The following QRICH1 variants were observed in gnomAD, a reference collection of about 807,000 sequenced individuals.
The protein encoded by QRICH1 is glutamine rich 1, also known as transcriptional regulator QRICH1.
In QRICH1, 16 loss-of-function variants were observed where a neutral mutation model predicts 87.1. The observed-to-expected ratio is 0.18, with a 90% CI of 0.12 to 0.28. The LOEUF (loss-of-function observed/expected upper bound fraction) is 0.28, where lower values mean the gene tolerates loss of function less well. QRICH1 is among the 10% of genes least tolerant of loss of function. The pLI is 1.00. For missense variants in QRICH1, 647 were observed against 951.7 expected (o/e 0.68, Z 4.21); for synonymous variants, 367 against 368.4 (o/e 1.00, Z 0.05).
At position 49,076,861 on chromosome 3, in the gene QRICH1, T is replaced by C. The variant is rs1488215964; in HGVS notation, c.157A>G (p.Met53Val). Residue 53 changes from methionine to valine, a missense_variant, in exon 2 of 10, where the codon ATG becomes GTG. Met to Val is a conservative substitution (Grantham distance 21). Coordinates refer to ENST00000395443, the MANE Select transcript of QRICH1 (RefSeq NM_198880.3). The part of the protein sequence containing the change: ...QEFQQTATTT[M>V]VYQQGGNCIY... ...CAGTTCCCACCCTGTTGGTACACCA[T>C]GGTAGTGGTGGCTGTCTGCTGGAAC... 1.9e-6 allele frequency: 3 copies of C among 1,613,954 alleles called. No homozygotes were observed. Among genetic ancestry groups the C allele is most frequent in the East Asian group, 2.2e-5 (1 of 44,862 alleles).
At chr3:49,051,594 C>CA (rs1191125700) in intron 3 of QRICH1, among the ~76,000 whole-genome samples, 3 of 140,246 alleles carry the variant, frequency 2.1e-5, no homozygotes, top group Non-Finnish European at 4.7e-5. Flanking sequence ...GCCCCCCCCC[C>CA]CCTCCGCTTA....
At chr3:49,085,066 C>T (rs745501566) in intron 1 of QRICH1, among the ~76,000 whole-genome samples, 12 of 151,924 alleles carry the variant, frequency 7.9e-5, no homozygotes, top group Non-Finnish European at 1.6e-4. Flanking sequence ...TGGTGTGAAT[C>T]TGGGAGGTGG....
rs2093410069 is a variant in QRICH1 at position 49,057,570 on chromosome 3, C to A, written c.630G>T (p.Gln210His). ...GGGCACCCACGGTCTGGATTTGGAT[C>A]TGCTGACCACCAGCAAGAGACTGGC... ...VAGQSLAGGQ[Q>H]IQIQTVGALS... Residue 210 changes from glutamine to histidine, a missense_variant, in exon 3 of 10, where the codon CAG (glutamine) becomes CAT (histidine). By Grantham distance (24) the Gln-to-His change is conservative (BLOSUM62 0). Around this residue, in one of 7 missense-constraint regions of QRICH1, gnomAD observed 156 missense variants for 164.5 expected, o/e 0.95. Transcript: ENST00000395443. This position sits in a 1 kb window ranked among gnomAD's most constrained non-coding sequence, Gnocchi z 5.4. 1 of 1,613,402 alleles carries A rather than the reference C, an allele frequency of 6.2e-7. No individual in the cohort carries two copies. The highest frequency in any genetic ancestry group is 1.7e-5 in the Admixed American group (1 of 60,010).
At chr3:49,032,579 A>C in intron 8 of QRICH1, 43 bp downstream of exon 8, 1 of 1,529,680 alleles carries the variant, frequency 6.5e-7, no homozygotes, top group Middle Eastern at 1.9e-4. Flanking sequence ...ACAGGGCAGG[A>C]CAAGTAGCAC....
intron 1 of QRICH1, among the ~76,000 whole-genome samples, chr3:49,084,652 T>C (rs2042133309): frequency 6.6e-6 from 1 of 151,924 alleles, no homozygotes; most frequent in Admixed American, 6.6e-5. Context: ...TAATCCCAGC[T>C]ACTCTAGAGG....
At chr3:49,087,164 G>A (rs1174633348) in intron 1 of QRICH1, 1 of 152,262 alleles carries the variant, frequency 6.6e-6, no homozygotes, top group African/African-American at 2.4e-5. Context: ...GGCTGAGGCA[G>A]GAGAATCACT....
chr3:49,037,040 C>T (rs2093279436), intron 6 of QRICH1, among the ~76,000 whole-genome samples: 1 of 137,800 alleles, frequency 7.3e-6, no homozygotes, highest in Admixed American at 8.1e-5. Flanking sequence ...CACTGCAATC[C>T]AGCCTGGGTG....
intron 2 of QRICH1, among the ~76,000 whole-genome samples, chr3:49,062,553 G>C (rs1420036691): frequency 6.6e-6 from 1 of 151,270 alleles, no homozygotes; most frequent in East Asian, 2.0e-4. Context: ...CACAGACAGG[G>C]TTTCACCATG....
Position 49,057,396 on chromosome 3 carries a change from C to G in QRICH1, c.804G>C (p.Val268=). 6.2e-7 allele frequency: 1 copy of G among 1,614,160 alleles called. No individual in the cohort carries two copies. Among genetic ancestry groups the G allele is most frequent in the Non-Finnish European group, 8.5e-7 (1 of 1,180,042 alleles). The stretch of plus-strand genomic sequence containing the variant: ...GCTGCTGGCCCTGTGGAATGGCCAG[C>G]ACGGTGGCCACCGGCTGCCCTGAGA... ...YAISGQPVAT[V]LAIPQGQQQS... The change falls in exon 3 of 10, where the codon GTG becomes GTC. Residue 268 remains valine, a synonymous_variant. Coordinates refer to ENST00000395443, the MANE Select transcript of QRICH1 (RefSeq NM_198880.3). This position sits in a 1 kb window ranked among gnomAD's most constrained non-coding sequence, Gnocchi z 5.4.
intron 1 of QRICH1, among the ~76,000 whole-genome samples, chr3:49,078,154 T>C (rs1036375343): frequency 6.6e-6 from 1 of 152,120 alleles, no homozygotes; most frequent in Admixed American, 6.6e-5. Context: ...TCTGGAAAGG[T>C]GATTTGTTCC....
At position 49,050,395 on chromosome 3, in the gene QRICH1, C is replaced by T. The variant is rs541418056; in HGVS notation, c.1339-3149G>A. ...CCAAGATGGTGCCACTGCACTCCAACCTGGGCGACAGAGCCAGACTCTGTC... is the reference window on the plus strand; with the variant it reads ...CCAAGATGGTGCCACTGCACTCCAATCTGGGCGACAGAGCCAGACTCTGTC... On this transcript the variant is annotated intron_variant, in intron 3 of 9. Coordinates refer to ENST00000395443, the MANE Select transcript of QRICH1 (RefSeq NM_198880.3). Among the ~76,000 whole-genome samples, 19 of 133,996 alleles carry T rather than the reference C, an allele frequency of 1.4e-4. No homozygotes were observed. The East Asian group carries it at 4.3e-3, about 31-fold the overall frequency. The allele number at this position is 133,996 out of a possible 152,430, so 87.9% of individuals were successfully genotyped here.
intron 6 of QRICH1, among the ~76,000 whole-genome samples, chr3:49,037,273 G>T (rs1180715772): frequency 6.6e-6 from 1 of 152,084 alleles, no homozygotes; most frequent in Non-Finnish European, 1.5e-5. Flanking sequence ...GAATCAATCT[G>T]TATATTCAAT....
chr3:49,065,499 C>T (rs2093462820), intron 2 of QRICH1, among the ~76,000 whole-genome samples: 1 of 152,166 alleles, frequency 6.6e-6, no homozygotes, highest in African/African-American at 2.4e-5. Flanking sequence ...CTGAATTCTC[C>T]TATCTGCTTC....
chr3:49,050,473 T>C (rs956971525), intron 3 of QRICH1, among the ~76,000 whole-genome samples: 25 of 143,822 alleles, frequency 1.7e-4, no homozygotes, highest in African/African-American at 6.5e-4. Context: ...TCAAAGGTGC[T>C]ATAAAATGGC....
At chr3:49,064,063 T>G (rs1443685478) in intron 2 of QRICH1, among the ~76,000 whole-genome samples, 2 of 151,568 alleles carry the variant, frequency 1.3e-5, no homozygotes, top group African/African-American at 2.4e-5. Context: ...TGCGCCACCA[T>G]GCCTGGCTGG....
intron 1 of QRICH1, among the ~76,000 whole-genome samples, chr3:49,077,368 T>A (rs1445405694): frequency 6.6e-6 from 1 of 152,102 alleles, no homozygotes; most frequent in Non-Finnish European, 1.5e-5. Flanking sequence ...GGACAGTAAA[T>A]GTCACATGCA....
intron 2 of QRICH1, among the ~76,000 whole-genome samples, chr3:49,069,933 C>A (rs1271832195): frequency 6.6e-6 from 1 of 152,042 alleles, no homozygotes; most frequent in Non-Finnish European, 1.5e-5. Flanking sequence ...CTAAAGCTAC[C>A]CCAGTGGACC....
intron 6 of QRICH1, among the ~76,000 whole-genome samples, chr3:49,041,966 G>A (rs754281624): frequency 7.3e-5 from 11 of 151,168 alleles, no homozygotes; most frequent in Admixed American, 1.3e-4. Flanking sequence ...TAGAGACAAC[G>A]TTTTATGTGT....
At chr3:49,080,181 G>T (rs912046214) in intron 1 of QRICH1, among the ~76,000 whole-genome samples, 2 of 152,242 alleles carry the variant, frequency 1.3e-5, no homozygotes, top group South Asian at 4.2e-4. Context: ...TACCATGCTG[G>T]TACATAATTT....
Sources: gnomAD v4.1 joint callset for allele counts (sites outside exome capture counted in the v4.1 genomes callset) on GRCh38, gnomAD v4.1.1 for gene constraint, gnomAD v4.1.1 regional missense constraint, Gnocchi (gnomAD v3.1) non-coding constraint, MANE v1.5 for transcripts, NCBI Gene and HGNC (gene_info 2026-07-23, HGNC 2026-07-21) for gene names.